The following IQCH variants were observed in gnomAD, a reference collection of about 807,000 sequenced individuals.
IQCH encodes the protein IQ motif containing H.
IQCH carries 98 observed loss-of-function variants against 117.0 expected under a neutral mutation model. The observed-to-expected ratio is 0.84, with a 90% CI of 0.71 to 0.99. The LOEUF (loss-of-function observed/expected upper bound fraction) is 0.99. Ranked by LOEUF, IQCH falls within the 50% of genes least tolerant of loss-of-function variation. The probability of loss-of-function intolerance (pLI) is 0.00; values close to 1 mark genes in which losing one functional copy is unlikely to be tolerated. For missense variants in IQCH, 1,102 were observed against 1,243.8 expected (o/e 0.89, Z 1.72); for synonymous variants, 412 against 448.2 (o/e 0.92, Z 1.02).
rs568677079 is a variant in IQCH at position 67,445,886 on chromosome 15, G to A, written c.2506-19241G>A. 1.0e-3 allele frequency among the ~76,000 whole-genome samples: 152 copies of A among 152,332 alleles called. No individual in the cohort carries two copies. Among genetic ancestry groups the A allele is most frequent in the Non-Finnish European group, 1.7e-3 (119 of 68,036 alleles). On this transcript the variant is annotated intron_variant, in intron 16 of 20. Transcript: ENST00000335894. This position sits in a 1 kb window ranked among gnomAD's most constrained non-coding sequence, Gnocchi z 4.3. ...ACCTCCCATACAGAGGACACAGGTA[G>A]GAAATATAAAGAAGAACATGGAGTT...
rs949198325 is a variant in IQCH at position 67,355,431 on chromosome 15, C to CA, written c.638-1905dup. On this transcript the variant is annotated intron_variant, in intron 6 of 20. Coordinates refer to ENST00000335894, the MANE Select transcript of IQCH (RefSeq NM_001031715.3). Reference sequence around the variant, plus strand: ...GAAACCCCGTCTCTACCAAAAAATACAAAAAAAAATTAGCTGGGCGTGGTG... The same window carrying CA: ...GAAACCCCGTCTCTACCAAAAAATACAAAAAAAAAATTAGCTGGGCGTGGTG... Among the ~76,000 whole-genome samples, 10 of 150,664 alleles carry CA rather than the reference C, an allele frequency of 6.6e-5. No homozygotes were observed. The East Asian group carries it at 7.7e-4, about 12-fold the overall frequency.
rs1294415796 is a variant in IQCH, at chr15:67,436,732, G to A, written c.2505+15155G>A. Among the ~76,000 whole-genome samples, 3 of 152,082 alleles carry A rather than the reference G, an allele frequency of 2.0e-5. No homozygotes were observed. The highest frequency in any genetic ancestry group is 4.8e-5 in the African/African-American group (2 of 41,420). ...GGAGAGGCATGGTGGGAGTGAGACCGGCCCTTTGGTTTGCATGGGAGCTGG... is the reference window on the plus strand; with the variant it reads ...GGAGAGGCATGGTGGGAGTGAGACCAGCCCTTTGGTTTGCATGGGAGCTGG... On this transcript the variant is annotated intron_variant, in intron 16 of 20. Transcript: ENST00000335894. This position sits in a 1 kb window ranked among gnomAD's most constrained non-coding sequence, Gnocchi z 5.1.
Position 67,430,360 on chromosome 15 carries a change from C to G in IQCH, c.2505+8783C>G, listed in dbSNP as rs753682116. 19 of 152,096 alleles carry G rather than the reference C, an allele frequency of 1.2e-4. No homozygotes were observed. Among genetic ancestry groups the G allele is most frequent in the Non-Finnish European group, 2.4e-4 (16 of 68,012 alleles). 9.4% of individuals were successfully genotyped at this position (152,096 alleles called of 1,614,324 possible). A position where few individuals can be genotyped will look rare whatever the true frequency, so the allele number is the denominator to read the frequency against. On this transcript the variant is annotated intron_variant, in intron 16 of 20. Coordinates refer to ENST00000335894, the MANE Select transcript of IQCH (RefSeq NM_001031715.3). This position sits in a 1 kb window ranked among gnomAD's most constrained non-coding sequence, Gnocchi z 5.1. ...TGAGGAGGATGACAAGTTCATTGAACAAACACCTTCAGAGGACCTACTCTG... is the reference window on the plus strand; with the variant it reads ...TGAGGAGGATGACAAGTTCATTGAAGAAACACCTTCAGAGGACCTACTCTG...
chr15:67,340,101 T>A (rs900380868), intron 5 of IQCH, among the ~76,000 whole-genome samples: 8 of 152,112 alleles, frequency 5.3e-5, no homozygotes, highest in African/African-American at 1.9e-4. Context: ...CTTGTAAGCA[T>A]TGGCTCTATA....
chr15:67,299,982 A>G (rs2140525920), intron 4 of IQCH, among the ~76,000 whole-genome samples: 1 of 152,208 alleles, frequency 6.6e-6, no homozygotes, highest in South Asian at 2.1e-4. Context: ...GCAACCATTG[A>G]TGTTTACTTT....
intron 16 of IQCH, among the ~76,000 whole-genome samples, chr15:67,442,681 A>G (rs965638264): frequency 6.6e-6 from 1 of 152,156 alleles, no homozygotes; most frequent in African/African-American, 2.4e-5. Flanking sequence ...ATTACTGGAT[A>G]TCTACCCAGA....
At chr15:67,334,239 A>G (rs1217822064) in intron 4 of IQCH, among the ~76,000 whole-genome samples, 5 of 152,178 alleles carry the variant, frequency 3.3e-5, no homozygotes, top group Admixed American at 3.3e-4. Flanking sequence ...TATAATAAAA[A>G]ACATGACAAA....
intron 8 of IQCH, among the ~76,000 whole-genome samples, chr15:67,360,795 T>G (rs996701398): frequency 2.0e-5 from 3 of 152,224 alleles, no homozygotes; most frequent in Non-Finnish European, 4.4e-5. Context: ...TGTGCCTAGA[T>G]AGAGCTGTAT....
rs2082369228 is a variant in IQCH at position 67,445,424 on chromosome 15, A to G, written c.2506-19703A>G. ...TTACATTCCTATCCCACCCCAGAGT[A>G]CCTACCTCATGTCTGGTTTTTTTGT... On this transcript the variant is annotated intron_variant, in intron 16 of 20. Transcript: ENST00000335894. The surrounding 1 kb of genome is among the most constrained non-coding windows in gnomAD (Gnocchi z 4.3). Among the ~76,000 whole-genome samples the G allele has an allele frequency of 6.6e-6, 1 of 151,014 alleles. No homozygotes were observed. Among genetic ancestry groups the G allele is most frequent in the Non-Finnish European group, 1.5e-5 (1 of 67,772 alleles).
chr15:67,372,675 G>T lies in IQCH; in HGVS notation c.1305+13G>T. 6.3e-7 allele frequency: 1 copy of T among 1,585,890 alleles called. No homozygotes were observed. ...CATTCGAGCCAAGGTGCACAAGGCT[G>T]CCAGCTGTTAAGGCAGACCTCTTTT... On this transcript the variant is annotated intron_variant, in intron 9 of 20. Transcript: ENST00000335894.
chr15:67,371,137 G>C (rs945013818), intron 8 of IQCH, among the ~76,000 whole-genome samples: 4 of 152,014 alleles, frequency 2.6e-5, no homozygotes, highest in African/African-American at 9.7e-5. Flanking sequence ...TTAATACCGG[G>C]TTTACTGACG....
chr15:67,319,236 GAGAA>G (rs1322532320), intron 4 of IQCH, among the ~76,000 whole-genome samples: 3 of 151,974 alleles, frequency 2.0e-5, no homozygotes, highest in Non-Finnish European at 4.4e-5. Context: ...AAGAAAGAAA[GAGAA>G]AGAGAGAAAG....
rs963062551 is a variant in IQCH at position 67,263,491 on chromosome 15, T to TA, written c.269+284dup. On this transcript the variant is annotated intron_variant, in intron 3 of 20. Transcript: ENST00000335894. ...TTGTACCCCTCAAGTTTATGCAGATTAAAAAAAAATAAGTTAATGGTAGAA... is the reference window on the plus strand; with the variant it reads ...TTGTACCCCTCAAGTTTATGCAGATTAAAAAAAAAATAAGTTAATGGTAGAA... Among the ~76,000 whole-genome samples, 56 of 151,404 alleles carry TA rather than the reference T, an allele frequency of 3.7e-4. No homozygotes were observed. In the East Asian group the frequency reaches 6.6e-3, roughly 18 times the overall value.
rs748402074 is a variant in IQCH, at chr15:67,475,717, G to A, written c.2698G>A (p.Ala900Thr). ...SMPMLATSRY[A>T]VMTTQLRHSN... Reference sequence around the variant, plus strand: ...CCAGATGCTGGCAACCAGTCGCTATGCAGTGATGACCACCCAGCTAAGACA... The same window carrying A: ...CCAGATGCTGGCAACCAGTCGCTATACAGTGATGACCACCCAGCTAAGACA... Residue 900 changes from alanine to threonine, a missense_variant, in exon 18 of 21, where the codon GCA (alanine) becomes ACA (threonine). Ala to Thr is a moderately conservative substitution (Grantham distance 58). Transcript: ENST00000335894. This position sits in a 1 kb window ranked among gnomAD's most constrained non-coding sequence, Gnocchi z 5.7. The A allele has an allele frequency of 5.6e-6, 9 of 1,614,020 alleles. No individual in the cohort carries two copies. In the Admixed American group the frequency reaches 1.2e-4, roughly 21 times the overall value.
intron 16 of IQCH, among the ~76,000 whole-genome samples, chr15:67,423,715 G>A (rs1400910823): frequency 6.6e-6 from 1 of 151,678 alleles, no homozygotes; most frequent in Non-Finnish European, 1.5e-5. Flanking sequence ...TCAGCCAGGC[G>A]TGATGGTGGA....
chr15:67,349,626 A>G (rs781471445), intron 6 of IQCH, among the ~76,000 whole-genome samples: 14 of 145,724 alleles, frequency 9.6e-5, no homozygotes, highest in Non-Finnish European at 7.6e-5. Context: ...AAAAAAAGGA[A>G]AGAAAGAAAA....
rs1054504738 is a variant in IQCH at position 67,500,979 on chromosome 15, C to A, written c.*233C>A. The A allele has an allele frequency of 7.1e-6, 2 of 282,868 alleles. No homozygotes were observed. The highest frequency in any genetic ancestry group is 1.2e-4 in the East Asian group (2 of 16,442). 17.5% of individuals were successfully genotyped at this position (282,868 alleles called of 1,614,324 possible). A position where few individuals can be genotyped will look rare whatever the true frequency, so the allele number is the denominator to read the frequency against. ...TTCATTTGAGAGTGTTGAACAATCC[C>A]TTCTTCTTCTCAAACTCAGAAAAAA... On this transcript the variant is annotated 3_prime_UTR_variant, in exon 21 of 21. Transcript: ENST00000335894. The surrounding 1 kb of genome is among the most constrained non-coding windows in gnomAD (Gnocchi z 4.4).
Position 67,443,582 on chromosome 15 carries a change from AAAAT to A in IQCH, c.2506-21536_2506-21533del, listed in dbSNP as rs2082330287. On this transcript the variant is annotated intron_variant, in intron 16 of 20. Transcript: ENST00000335894. This position sits in a 1 kb window ranked among gnomAD's most constrained non-coding sequence, Gnocchi z 5.0. Reference sequence around the variant, plus strand: ...ACCCCAGTAACTTATGGACTAAAATAAAATAAATAAATGCATTATCGTCCTACCT... The same window carrying A: ...ACCCCAGTAACTTATGGACTAAAATAAAATAAATGCATTATCGTCCTACCT... 6.6e-6 allele frequency among the ~76,000 whole-genome samples: 1 copy of A among 152,196 alleles called. No individual in the cohort carries two copies. Among genetic ancestry groups the A allele is most frequent in the Non-Finnish European group, 1.5e-5 (1 of 68,034 alleles).
At position 67,476,624 on chromosome 15, in the gene IQCH, G is replaced by A. The variant is rs572174507; in HGVS notation, c.2799+806G>A. On this transcript the variant is annotated intron_variant, in intron 18 of 20. Coordinates refer to ENST00000335894, the MANE Select transcript of IQCH (RefSeq NM_001031715.3). This position sits in a 1 kb window ranked among gnomAD's most constrained non-coding sequence, Gnocchi z 4.1. ...TGATACCGGGGGCCCCTGCATAGCT[G>A]CTTTATCCTGATGTAGCTGACTAGA... Among the ~76,000 whole-genome samples the A allele has an allele frequency of 1.3e-5, 2 of 152,256 alleles. No homozygotes were observed. The highest frequency in any genetic ancestry group is 4.8e-5 in the African/African-American group (2 of 41,536).
Sources: allele counts gnomAD v4.1 joint callset (sites outside exome capture counted in the v4.1 genomes callset), GRCh38; gene constraint gnomAD v4.1.1; non-coding constraint Gnocchi (gnomAD v3.1); transcripts MANE v1.5; gene names NCBI Gene and HGNC (gene_info 2026-07-23, HGNC 2026-07-21).